The following SYNDIG1 variants were observed in gnomAD, a reference collection of about 807,000 sequenced individuals.
The protein encoded by SYNDIG1 is synapse differentiation inducing 1.
In SYNDIG1, 9 loss-of-function variants were observed where a neutral mutation model predicts 19.4. That is an observed-to-expected ratio of 0.46 (90% CI 0.28 to 0.81). SYNDIG1 has a LOEUF of 0.81. Among genes scored for constraint, SYNDIG1 ranks in the 30% least tolerant of loss-of-function variants. The pLI is 0.12. For missense variants in SYNDIG1, 311 were observed against 343.3 expected (o/e 0.91, Z 0.74); for synonymous variants, 141 against 145.9 (o/e 0.97, Z 0.24).
chr20:24,489,552 CAG>C (rs1443877810), intron 1 of SYNDIG1, among the ~76,000 whole-genome samples: 25 of 152,100 alleles, frequency 1.6e-4, no homozygotes, highest in African/African-American at 4.6e-4. Context: ...CACATGCTCA[CAG>C]GGACAGGCAC....
intron 3 of SYNDIG1, among the ~76,000 whole-genome samples, chr20:24,606,674 C>T (rs917556304): frequency 2.0e-5 from 3 of 152,092 alleles, no homozygotes; most frequent in East Asian, 1.9e-4. Flanking sequence ...AGTAGAGATC[C>T]GGAGTTTAGA....
chr20:24,627,112 G>A (rs1320811230), intron 3 of SYNDIG1, among the ~76,000 whole-genome samples: 3 of 150,378 alleles, frequency 2.0e-5, no homozygotes, highest in African/African-American at 7.4e-5. Flanking sequence ...ACCGTGGGGA[G>A]AGGGGGACCG....
In SYNDIG1 at chr20:24,651,680, C is replaced by T. The variant is rs116026928; in HGVS notation, c.619-13666C>T. Among the ~76,000 whole-genome samples, 620 of 152,320 alleles carry T rather than the reference C, an allele frequency of 4.1e-3. 2 individuals are homozygous for T. Among genetic ancestry groups the T allele is most frequent in the African/African-American group, 0.014 (590 of 41,568 alleles). ...CACTGCAGTACACTAAAGGTGACCA[C>T]GCATTTCTTGACCTGCTTCCTGCAT... On this transcript the variant is annotated intron_variant, in intron 3 of 3. Transcript: ENST00000376862.
At chr20:24,492,432 A>G (rs1048831042) in intron 1 of SYNDIG1, among the ~76,000 whole-genome samples, 1 of 152,348 alleles carries the variant, frequency 6.6e-6, no homozygotes, top group African/African-American at 2.4e-5. Flanking sequence ...ATCTTGGGAA[A>G]GACTTTGGTA....
At chr20:24,514,871 G>A (rs1174708382) in intron 1 of SYNDIG1, among the ~76,000 whole-genome samples, 2 of 152,160 alleles carry the variant, frequency 1.3e-5, no homozygotes, top group African/African-American at 4.8e-5. Context: ...CCACATAGTT[G>A]GAAGTAAAAC....
intron 2 of SYNDIG1, among the ~76,000 whole-genome samples, chr20:24,551,129 C>A (rs1026242977): frequency 2.6e-5 from 4 of 152,154 alleles, no homozygotes; most frequent in Non-Finnish European, 5.9e-5. Flanking sequence ...GGCATTTGGG[C>A]CTGGCCTTTT....
At chr20:24,528,863 C>G in intron 1 of SYNDIG1, among the ~76,000 whole-genome samples, 1 of 152,206 alleles carries the variant, frequency 6.6e-6, no homozygotes, top group East Asian at 1.9e-4. Flanking sequence ...AGGACATTTG[C>G]ATTTGCTTCT....
intron 3 of SYNDIG1, among the ~76,000 whole-genome samples, chr20:24,617,427 G>T (rs954846298): frequency 6.6e-6 from 1 of 152,214 alleles, no homozygotes; most frequent in African/African-American, 2.4e-5. Flanking sequence ...GGACTTGCGT[G>T]CCTTCCTCAC....
At chr20:24,650,982 C>G (rs754166254) in intron 3 of SYNDIG1, among the ~76,000 whole-genome samples, 5 of 152,112 alleles carry the variant, frequency 3.3e-5, no homozygotes, top group African/African-American at 9.7e-5. Flanking sequence ...ATTACAGGTG[C>G]GCACCACCAT....
chr20:24,607,175 C>A (rs539901596), intron 3 of SYNDIG1, among the ~76,000 whole-genome samples: 36 of 152,118 alleles, frequency 2.4e-4, no homozygotes, highest in Admixed American at 1.6e-3. Flanking sequence ...GCCTGGCCAA[C>A]ATGGCAAAAA....
chr20:24,609,807 A>G (rs2147168880), intron 3 of SYNDIG1, among the ~76,000 whole-genome samples: 1 of 152,058 alleles, frequency 6.6e-6, no homozygotes, highest in African/African-American at 2.4e-5. Flanking sequence ...GCAAGGCCCA[A>G]CCTCCATCTG....
intron 2 of SYNDIG1, among the ~76,000 whole-genome samples, chr20:24,565,047 A>T (rs2058019175): frequency 6.6e-6 from 1 of 152,200 alleles, no homozygotes; most frequent in Non-Finnish European, 1.5e-5. Context: ...GGTGTTCATT[A>T]AAAAACACCC....
At chr20:24,606,544 AG>A (rs2058759958) in intron 3 of SYNDIG1, among the ~76,000 whole-genome samples, 1 of 152,246 alleles carries the variant, frequency 6.6e-6, no homozygotes, top group Admixed American at 6.5e-5. Flanking sequence ...TATATTATTG[AG>A]AAAGTTATTA....
intron 2 of SYNDIG1, among the ~76,000 whole-genome samples, chr20:24,569,058 C>T (rs1001635526): frequency 2.0e-5 from 3 of 152,186 alleles, no homozygotes; most frequent in East Asian, 1.9e-4. Flanking sequence ...AGGTGTCCCT[C>T]GAGAGCCCGC....
chr20:24,505,082 C>T (rs1222763874), intron 1 of SYNDIG1, among the ~76,000 whole-genome samples: 1 of 152,154 alleles, frequency 6.6e-6, no homozygotes, highest in Non-Finnish European at 1.5e-5. Flanking sequence ...GGGCTGTTCA[C>T]AGACGTGGTG....
intron 1 of SYNDIG1, among the ~76,000 whole-genome samples, chr20:24,521,448 C>T (rs1437575185): frequency 6.6e-6 from 1 of 152,038 alleles, no homozygotes; most frequent in African/African-American, 2.4e-5. Flanking sequence ...AGTGTTGAAT[C>T]TTTGAGGACC....
intron 3 of SYNDIG1, among the ~76,000 whole-genome samples, chr20:24,618,353 G>A (rs1172607843): frequency 1.3e-5 from 2 of 151,454 alleles, no homozygotes; most frequent in South Asian, 2.1e-4. Context: ...AGATCCCGGG[G>A]AGGGGGGAGA....
At position 24,646,377 on chromosome 20, in the gene SYNDIG1, G is replaced by T. The variant is rs371923782; in HGVS notation, c.619-18969G>T. Among the ~76,000 whole-genome samples the T allele has an allele frequency of 3.9e-5, 6 of 152,262 alleles. 1 individual carries two copies. The highest frequency in any genetic ancestry group is 1.4e-4 in the African/African-American group (6 of 41,544). On this transcript the variant is annotated intron_variant, in intron 3 of 3. Coordinates refer to ENST00000376862, the MANE Select transcript of SYNDIG1 (RefSeq NM_024893.3). ...CAGTGTGGCAATATTGGGAGATGGG[G>T]CCTGGTGGAAAGCCTTTGGGTCAAG...
At chr20:24,568,282 G>A (rs2058087820) in intron 2 of SYNDIG1, among the ~76,000 whole-genome samples, 2 of 152,214 alleles carry the variant, frequency 1.3e-5, no homozygotes, top group African/African-American at 2.4e-5. Context: ...AGAAATAAAT[G>A]TGCTCATAAA....
Sources: gnomAD v4.1 joint callset for allele counts (sites outside exome capture counted in the v4.1 genomes callset) on GRCh38, gnomAD v4.1.1 for gene constraint, MANE v1.5 for transcripts, NCBI Gene and HGNC (gene_info 2026-07-23, HGNC 2026-07-21) for gene names.